The following CSGALNACT1 variants were observed in gnomAD, a reference collection of about 807,000 sequenced individuals.
The protein encoded by CSGALNACT1 is beta4GalNAcT-1.
A neutral mutation model predicts 51.0 loss-of-function variants in CSGALNACT1; 52 were observed. That is an observed-to-expected ratio of 1.02 (90% CI 0.82 to 1.29). The LOEUF (loss-of-function observed/expected upper bound fraction) is 1.29. CSGALNACT1 is among the 50% of genes most tolerant of loss of function. CSGALNACT1 has a pLI of 0.00. For missense variants in CSGALNACT1, 935 were observed against 679.2 expected, an observed-to-expected ratio of 1.38 and a Z score of -4.19; for synonymous variants, 341 against 254.4, an observed-to-expected ratio of 1.34 and a Z score of -3.24.
intron 5 of CSGALNACT1, among the ~76,000 whole-genome samples, chr8:19,449,580 C>A (rs79595525): frequency 0.013 from 2,018 of 152,220 alleles, 37 homozygotes; most frequent in African/African-American, 0.046. Context: ...ATTTTCAGAA[C>A]CACCTTAATG....
At chr8:19,580,111 G>A (rs1215285892) in intron 3 of CSGALNACT1, among the ~76,000 whole-genome samples, 3 of 152,226 alleles carry the variant, frequency 2.0e-5, no homozygotes, top group Non-Finnish European at 2.9e-5. Context: ...TGCACTGGAC[G>A]AGCAGACAGC....
At chr8:19,519,596 C>T (rs1020695905) in intron 3 of CSGALNACT1, among the ~76,000 whole-genome samples, 1 of 152,162 alleles carries the variant, frequency 6.6e-6, no homozygotes, top group African/African-American at 2.4e-5. Context: ...ATAGCTGTCT[C>T]GTGAAGTGCC....
intron 1 of CSGALNACT1, among the ~76,000 whole-genome samples, chr8:19,688,377 AC>A (rs2061096597): frequency 6.6e-6 from 1 of 152,180 alleles, no homozygotes; most frequent in Non-Finnish European, 1.5e-5. Flanking sequence ...CTAATATAAA[AC>A]AAAATGGTAG....
chr8:19,518,720 G>C (rs2080038421), intron 3 of CSGALNACT1, among the ~76,000 whole-genome samples: 1 of 152,162 alleles, frequency 6.6e-6, no homozygotes, highest in African/African-American at 2.4e-5. Flanking sequence ...AGGAACCCCA[G>C]GGTATATACC....
chr8:19,713,091 C>T (rs1043005423), intron 1 of CSGALNACT1, among the ~76,000 whole-genome samples: 1 of 152,142 alleles, frequency 6.6e-6, no homozygotes, highest in African/African-American at 2.4e-5. Flanking sequence ...ACTCTCCATC[C>T]CCATTTCCTC....
chr8:19,542,123 T>C (rs2085331780), intron 3 of CSGALNACT1, among the ~76,000 whole-genome samples: 1 of 152,092 alleles, frequency 6.6e-6, no homozygotes, highest in South Asian at 2.1e-4. Flanking sequence ...GTTTTCCAAA[T>C]GCTTTCTTCT....
intron 6 of CSGALNACT1, among the ~76,000 whole-genome samples, 187 bp from the exon 6 acceptor site, chr8:19,420,705 A>T (rs2057787819): frequency 6.6e-6 from 1 of 152,242 alleles, no homozygotes; most frequent in Admixed American, 6.5e-5. Context: ...CGAAGGTACC[A>T]AGAACACCTA....
At chr8:19,674,874 G>A (rs1016966626) in intron 1 of CSGALNACT1, among the ~76,000 whole-genome samples, 2 of 152,150 alleles carry the variant, frequency 1.3e-5, no homozygotes, top group Non-Finnish European at 2.9e-5. Flanking sequence ...ATTTGGGTAT[G>A]AGAGAATGAG....
chr8:19,466,894 T>C (rs908315204), intron 4 of CSGALNACT1, among the ~76,000 whole-genome samples: 7 of 152,228 alleles, frequency 4.6e-5, no homozygotes, highest in Non-Finnish European at 1.0e-4. Context: ...ACTGAAAGTT[T>C]CTTTTACCTG....
chr8:19,521,795 C>A (rs1196082926), intron 3 of CSGALNACT1, among the ~76,000 whole-genome samples: 1 of 152,204 alleles, frequency 6.6e-6, no homozygotes. Context: ...CATGGACCTG[C>A]AAACTTTGCT....
At chr8:19,701,215 G>A (rs1320680485) in intron 1 of CSGALNACT1, among the ~76,000 whole-genome samples, 1 of 145,794 alleles carries the variant, frequency 6.9e-6, no homozygotes, top group African/African-American at 2.5e-5. Flanking sequence ...GAGTGCAGTG[G>A]GGTGATCTCC....
chr8:19,737,216 A>G (rs937399389), intron 1 of CSGALNACT1, among the ~76,000 whole-genome samples: 3 of 152,132 alleles, frequency 2.0e-5, no homozygotes, highest in African/African-American at 7.2e-5. Flanking sequence ...TACTTCCAAC[A>G]GGCCCTTACT....
intron 3 of CSGALNACT1, among the ~76,000 whole-genome samples, chr8:19,520,137 T>C (rs188441514): frequency 1.3e-5 from 2 of 152,200 alleles, no homozygotes; most frequent in Non-Finnish European, 2.9e-5. Context: ...CAAAAAGATA[T>C]GAGCACACAA....
chr8:19,662,074 A>ACCCCCCCC (rs1159242984), intron 1 of CSGALNACT1, among the ~76,000 whole-genome samples: 1 of 35,016 alleles, frequency 2.9e-5, no homozygotes, highest in Non-Finnish European at 5.4e-5. Context: ...ACCCCCCCCC[A>ACCCCCCCC]CCCCCCCCCC....
intron 5 of CSGALNACT1, among the ~76,000 whole-genome samples, chr8:19,442,361 C>A (rs2061449104): frequency 6.6e-6 from 1 of 152,068 alleles, no homozygotes; most frequent in African/African-American, 2.4e-5. Flanking sequence ...AAATGTGGCA[C>A]ATATACACCA....
At chr8:19,416,130 T>TTTC (rs67057134) in intron 8 of CSGALNACT1, among the ~76,000 whole-genome samples, 2 of 150,638 alleles carry the variant, frequency 1.3e-5, no homozygotes, top group East Asian at 1.9e-4. Context: ...TTTTTTTTTT[T>TTTC]CTGAGACAGA....
chr8:19,738,385 A>T (rs897534381), intron 1 of CSGALNACT1, among the ~76,000 whole-genome samples: 2 of 152,216 alleles, frequency 1.3e-5, no homozygotes, highest in South Asian at 4.1e-4. Flanking sequence ...CAAAAGGACA[A>T]ATCACTATAT....
At chr8:19,479,973 T>C (rs1289892360) in intron 4 of CSGALNACT1, among the ~76,000 whole-genome samples, 1 of 152,156 alleles carries the variant, frequency 6.6e-6, no homozygotes, top group African/African-American at 2.4e-5. Context: ...CTTTGTAGAG[T>C]ACAGAACCCT....
At position 19,544,540 on chromosome 8, in the gene CSGALNACT1, C is replaced by G. The variant is rs77215695; in HGVS notation, c.-296-38410G>C. ...CCATTAAATGAAACCAAAGATAACT[C>G]CGAACAGATATCCACCTGATTGAAT... On this transcript the variant is annotated intron_variant, in intron 3 of 9. Transcript: ENST00000454498. 9.2e-3 allele frequency among the ~76,000 whole-genome samples: 1,400 copies of G among 152,190 alleles called. 57 individuals are homozygous for G. In the East Asian group the frequency reaches 0.13, roughly 15 times the overall value.
Sources: gnomAD v4.1 joint callset for allele counts (sites outside exome capture counted in the v4.1 genomes callset) on GRCh38, gnomAD v4.1.1 for gene constraint, MANE v1.5 for transcripts, NCBI Gene and HGNC (gene_info 2026-07-23, HGNC 2026-07-21) for gene names.